RELT: variants seen among roughly 807,000 people sequenced by gnomAD.
The protein encoded by RELT is RELT TNF receptor, also known as tumor necrosis factor receptor superfamily member 19L.
A neutral mutation model predicts 51.1 loss-of-function variants in RELT; 37 were observed. That is an observed-to-expected ratio of 0.72 (90% CI 0.56 to 0.95). The LOEUF (loss-of-function observed/expected upper bound fraction) is 0.95. Among genes scored for constraint, RELT ranks in the 40% least tolerant of loss-of-function variants. RELT has a pLI of 0.00. For synonymous variants in RELT, 241 were observed against 235.7 expected (o/e 1.02, Z -0.21); for missense variants, 535 against 572.6 (o/e 0.93, Z 0.67).
chr11:73,393,074 T>C lies in RELT; in HGVS notation c.625+606T>C, dbSNP rs995586763. 2.6e-5 allele frequency: 26 copies of C among 996,792 alleles called. No homozygotes were observed. In the African/African-American group the frequency reaches 4.4e-4, roughly 17 times the overall value. The allele number at this position is 996,792 out of a possible 1,614,324, so 61.7% of individuals were successfully genotyped here. A position where few individuals can be genotyped will look rare whatever the true frequency, so the allele number is the denominator to read the frequency against. ...ACCCTGCCCTGGGCCCATGGGAGCC[T>C]GTGGCTACCTCAAGAGTGAAATGGC... On this transcript the variant is annotated intron_variant, in intron 6 of 10. Transcript: ENST00000064780.
At position 73,393,817 on chromosome 11, in the gene RELT, AGG is replaced by A; in HGVS notation, c.626-18_626-17del. ...CGGCTTCCCCCTCTTCCCCAGGATC[AGG>A]GCCCTTCTCTTCCCCAGGAATCAAC... On this transcript the variant is annotated intron_variant, in intron 6 of 10. Coordinates refer to ENST00000064780, the MANE Select transcript of RELT (RefSeq NM_152222.2). The A allele has an allele frequency of 6.2e-7, 1 of 1,612,234 alleles. No homozygotes were observed. Among genetic ancestry groups the A allele is most frequent in the South Asian group, 1.1e-5 (1 of 91,024 alleles).
chr11:73,394,288 G>T lies in RELT; in HGVS notation c.759G>T (p.Leu253=), dbSNP rs767912385. 2.5e-6 allele frequency: 4 copies of T among 1,612,672 alleles called. No individual in the cohort carries two copies. The highest frequency in any genetic ancestry group is 3.4e-6 in the Non-Finnish European group (4 of 1,179,784). The change falls in exon 8 of 11, where the codon CTG becomes CTT. Residue 253 remains leucine (L), a synonymous_variant. Coordinates refer to ENST00000064780, the MANE Select transcript of RELT (RefSeq NM_152222.2). This position sits in a 1 kb window ranked among gnomAD's most constrained non-coding sequence, Gnocchi z 4.9. Reference sequence around the variant, plus strand: ...TGAAAGAGTACCACAGCAAACAGCTGGTGCAGACGAGCCACAGGCCTGTGT... The same window carrying T: ...TGAAAGAGTACCACAGCAAACAGCTTGTGCAGACGAGCCACAGGCCTGTGT... ...ELLKEYHSKQ[L]VQTSHRPVSK... is the part of the protein sequence containing the mutation.
intron 2 of RELT, among the ~76,000 whole-genome samples, 193 bp downstream of exon 2, chr11:73,389,374 G>C (rs879520471): frequency 6.6e-6 from 1 of 152,258 alleles, no homozygotes; most frequent in Non-Finnish European, 1.5e-5. Flanking sequence ...GGGAGATGGA[G>C]AATGAAGGGC....
chr11:73,381,017 C>T (rs978405097), intron 1 of RELT, among the ~76,000 whole-genome samples: 1 of 152,148 alleles, frequency 6.6e-6, no homozygotes. Context: ...GCTGTCACAT[C>T]CTCAGCCTTA....
intron 10 of RELT, 58 bp from the exon 11 acceptor site, chr11:73,395,386 T>C: frequency 7.4e-7 from 1 of 1,353,934 alleles, no homozygotes; most frequent in Non-Finnish European, 1.1e-6. Context: ...GGGGCCACTT[T>C]CCTGGAGCCA....
Position 73,388,818 on chromosome 11 carries a change from C to G in RELT, c.-25-294C>G, listed in dbSNP as rs1278666459. On this transcript the variant is annotated intron_variant, in intron 1 of 10. Transcript: ENST00000064780. The surrounding 1 kb of genome is among the most constrained non-coding windows in gnomAD (Gnocchi z 4.1). ...CCTGCTGATGCCTCGGGGCACCTGG[C>G]AGTTTAAGGAAGGGGAAGGAAGCCC... Among the ~76,000 whole-genome samples, 1 of 152,186 alleles carries G rather than the reference C, an allele frequency of 6.6e-6. No individual in the cohort carries two copies. The highest frequency in any genetic ancestry group is 1.5e-5 in the Non-Finnish European group (1 of 68,014).
chr11:73,395,341 C>T (rs753901439), intron 10 of RELT, 56 bp downstream of exon 10: 27 of 1,585,176 alleles, frequency 1.7e-5, no homozygotes, highest in Non-Finnish European at 2.1e-5. Flanking sequence ...TGACCGAAGA[C>T]GGGGCAGGGG....
At position 73,392,242 on chromosome 11, in the gene RELT, G is replaced by A. The variant is rs1408986183; in HGVS notation, c.399G>A (p.Glu133=). 4 of 1,612,438 alleles carry A rather than the reference G, an allele frequency of 2.5e-6. No individual in the cohort carries two copies. The African/African-American group carries it at 5.3e-5, about 22-fold the overall frequency. The change falls in exon 6 of 11, where the codon GAG becomes GAA. Residue 133 remains glutamate (E), a synonymous_variant. Coordinates refer to ENST00000064780, the MANE Select transcript of RELT (RefSeq NM_152222.2). ...GGCGGCGGGCCCGACGTGGCGTGGA[G>A]GTGGCAGCAGGGGCCAGCAGCGGTG... The part of the protein sequence containing the change: ...EWGRRARRGV[E]VAAGASSGGE...
chr11:73,394,431 T>C lies in RELT; in HGVS notation c.789-46T>C. 1 of 1,608,080 alleles carries C rather than the reference T, an allele frequency of 6.2e-7. No individual in the cohort carries two copies. The highest frequency in any genetic ancestry group is 8.5e-7 in the Non-Finnish European group (1 of 1,175,808). Reference sequence around the variant, plus strand: ...CACCCTGTTCCCTGCTGGGGTCTCCTGCCCCTGGCCTGGCCTATGGCCACT... The same window carrying C: ...CACCCTGTTCCCTGCTGGGGTCTCCCGCCCCTGGCCTGGCCTATGGCCACT... On this transcript the variant is annotated intron_variant, in intron 8 of 10. Transcript: ENST00000064780. The surrounding 1 kb of genome is among the most constrained non-coding windows in gnomAD (Gnocchi z 4.9).
At chr11:73,391,255 A>AGG (rs1224290203) in intron 5 of RELT, 32 bp downstream of exon 5, 3 of 1,597,974 alleles carry the variant, frequency 1.9e-6, no homozygotes, top group Non-Finnish European at 2.6e-6. Flanking sequence ...GGACTGGTGC[A>AGG]GGGGTATGTG....
In RELT at chr11:73,394,425, G is replaced by T; in HGVS notation, c.789-52G>T. ...TCAAGTCACCCTGTTCCCTGCTGGG[G>T]TCTCCTGCCCCTGGCCTGGCCTATG... On this transcript the variant is annotated intron_variant, in intron 8 of 10. Coordinates refer to ENST00000064780, the MANE Select transcript of RELT (RefSeq NM_152222.2). The surrounding 1 kb of genome is among the most constrained non-coding windows in gnomAD (Gnocchi z 4.9). 2 of 1,608,188 alleles carry T rather than the reference G, an allele frequency of 1.2e-6. No individual in the cohort carries two copies. The highest frequency in any genetic ancestry group is 1.7e-6 in the Non-Finnish European group (2 of 1,175,866).
Position 73,393,844 on chromosome 11 carries a change from C to T in RELT, c.633C>T (p.Asn211=). The change falls in exon 7 of 11, where the codon AAC becomes AAT. Residue 211 remains asparagine, a synonymous_variant. Transcript: ENST00000064780. ...GGCCCTTCTCTTCCCCAGGAATCAACCCTGCCTACCGGACTGAGGATGCCA... is the reference window on the plus strand; with the variant it reads ...GGCCCTTCTCTTCCCCAGGAATCAATCCTGCCTACCGGACTGAGGATGCCA... ...PGPGGGGSGI[N]PAYRTEDANE... is the part of the protein sequence containing the mutation. 2 of 1,614,074 alleles carry T rather than the reference C, an allele frequency of 1.2e-6. No individual in the cohort carries two copies. Among genetic ancestry groups the T allele is most frequent in the South Asian group, 2.2e-5 (2 of 91,078 alleles).
chr11:73,392,108 A>G, intron 5 of RELT, 103 bp from the exon 6 acceptor site: 1 of 1,381,100 alleles, frequency 7.2e-7, no homozygotes, highest in Non-Finnish European at 9.9e-7. Flanking sequence ...CCCTGGGCAC[A>G]TTGGCTCTCC....
Position 73,395,450 on chromosome 11 carries a change from C to T in RELT, c.1252C>T (p.Arg418Cys), listed in dbSNP as rs776722958. 4 of 848,496 alleles carry T rather than the reference C, an allele frequency of 4.7e-6. No individual in the cohort carries two copies. Among genetic ancestry groups the T allele is most frequent in the Admixed American group, 1.7e-5 (1 of 59,104 alleles). The allele number at this position is 848,496 out of a possible 1,614,324, so 52.6% of individuals were successfully genotyped here. A position where few individuals can be genotyped will look rare whatever the true frequency, so the allele number is the denominator to read the frequency against. ...CCTCACCCCTGCCCACCAGGAGAACCGCTATGTGGTCCGGCTAAGTGAGAG... is the reference window on the plus strand; with the variant it reads ...CCTCACCCCTGCCCACCAGGAGAACTGCTATGTGGTCCGGCTAAGTGAGAG... ...PPAENKAEENRYVVRLSESNL... is the reference protein window; with the variant it reads ...PPAENKAEENCYVVRLSESNL... Residue 418 changes from arginine (R) to cysteine (C), a missense_variant, in exon 11 of 11, where the codon CGC (arginine) becomes TGC (cysteine). Transcript: ENST00000064780.
At chr11:73,387,964 A>G (rs1415037930) in intron 1 of RELT, among the ~76,000 whole-genome samples, 1 of 152,112 alleles carries the variant, frequency 6.6e-6, no homozygotes, top group African/African-American at 2.4e-5. Flanking sequence ...CGTGCCCCTG[A>G]AGCCAGGCCT....
intron 1 of RELT, among the ~76,000 whole-genome samples, chr11:73,387,410 CAAGGGCACAGGACACTTT>C (rs1866140806): frequency 6.6e-6 from 1 of 152,190 alleles, no homozygotes; most frequent in Non-Finnish European, 1.5e-5. Context: ...TGGGCCCTGA[CAAGGGCACAGGACACTTT>C]GGGGCAGAAA....
At chr11:73,391,951 CCT>C (rs1268241736) in intron 5 of RELT, 12 of 579,484 alleles carry the variant, frequency 2.1e-5, no homozygotes, top group African/African-American at 1.5e-4. Flanking sequence ...CTCTTCACCC[CCT>C]GACCCCAGCG....
At chr11:73,376,678 C>T (rs1430108429) in intron 1 of RELT, 179 bp downstream of exon 1, 1 of 151,998 alleles carries the variant, frequency 6.6e-6, no homozygotes, top group Non-Finnish European at 1.5e-5. Flanking sequence ...CGCGTCCTGT[C>T]CCGGCGCCTT....
rs1445917060 is a variant in RELT at position 73,397,342 on chromosome 11, C to T, written c.*1851C>T. On this transcript the variant is annotated 3_prime_UTR_variant, in exon 11 of 11. Transcript: ENST00000064780. The stretch of plus-strand genomic sequence containing the variant: ...AGGAGCCACAGGAGCGGGTGCTACA[C>T]CCGGCAAGACAGAGCGTCTCCATCT... The T allele has an allele frequency of 2.6e-5, 4 of 152,264 alleles. No individual in the cohort carries two copies. The highest frequency in any genetic ancestry group is 2.9e-5 in the Non-Finnish European group (2 of 68,052). The allele number at this position is 152,264 out of a possible 1,614,324, so 9.4% of individuals were successfully genotyped here.
Sources: gnomAD v4.1 joint callset for allele counts (sites outside exome capture counted in the v4.1 genomes callset) on GRCh38, gnomAD v4.1.1 for gene constraint, Gnocchi (gnomAD v3.1) non-coding constraint, MANE v1.5 for transcripts, NCBI Gene and HGNC (gene_info 2026-07-23, HGNC 2026-07-21) for gene names.